EPCIP: variants seen among roughly 807,000 people sequenced by gnomAD.
EPCIP encodes exosomal polycystin 1 interacting protein, also known as exosomal polycystin-1-interacting protein.
At chr21:32,812,689 G>A in the EPCIP span, among the ~76,000 whole-genome samples, 27 of 151,822 alleles carry the variant, frequency 1.8e-4, no homozygotes, top group Non-Finnish European at 3.5e-4. Flanking sequence ...AACAAATGAA[G>A]TCTTTTTTTT....
the EPCIP span, among the ~76,000 whole-genome samples, chr21:32,792,123 C>T: frequency 2.0e-5 from 3 of 152,066 alleles, no homozygotes; most frequent in Non-Finnish European, 2.9e-5. Flanking sequence ...AGGCTGGTCT[C>T]GAACTCCCGA....
chr21:32,811,882 C>T, the EPCIP span, among the ~76,000 whole-genome samples: 1 of 152,176 alleles, frequency 6.6e-6, no homozygotes, highest in Non-Finnish European at 1.5e-5. Flanking sequence ...ATTTGACCCC[C>T]TTTCTCTCTG....
chr21:32,802,757 C>G, the EPCIP span, among the ~76,000 whole-genome samples: 1 of 152,166 alleles, frequency 6.6e-6, no homozygotes. Context: ...CAGGAGGGAA[C>G]CAGTGGTACA....
the EPCIP span, among the ~76,000 whole-genome samples, chr21:32,792,894 C>G: frequency 8.8e-5 from 13 of 147,912 alleles, no homozygotes; most frequent in African/African-American, 1.2e-4. Context: ...TTTAAGAGAA[C>G]CTAATCATTT....
chr21:32,809,282 TTC>T, the EPCIP span, among the ~76,000 whole-genome samples: 2 of 87,802 alleles, frequency 2.3e-5, no homozygotes, highest in Middle Eastern at 5.3e-3. Context: ...CCTCCTTCCT[TTC>T]TTTCTTTCTT....
At chr21:32,800,823 C>CAA in the EPCIP span, among the ~76,000 whole-genome samples, 25 of 20,444 alleles carry the variant, frequency 1.2e-3, no homozygotes, top group African/African-American at 1.8e-3. Flanking sequence ...AAAAAAAAAC[C>CAA]AAAAAAAAAA....
the EPCIP span, among the ~76,000 whole-genome samples, chr21:32,804,772 T>C: frequency 6.6e-6 from 1 of 152,212 alleles, no homozygotes; most frequent in Non-Finnish European, 1.5e-5. Context: ...TTCTGAGGAT[T>C]GTGAGGTCCT....
At chr21:32,797,012 C>T in the EPCIP span, 1 of 470,710 alleles carries the variant, frequency 2.1e-6, no homozygotes, top group Non-Finnish European at 4.4e-6. Flanking sequence ...GTTTGCGGAA[C>T]ATGTGGGACA....
chr21:32,809,222 T>TGA, the EPCIP span, among the ~76,000 whole-genome samples: 2 of 149,460 alleles, frequency 1.3e-5, no homozygotes, highest in African/African-American at 5.0e-5. Flanking sequence ...TGTGTGTGTG[T>TGA]GATGTCTCAC....
At chr21:32,813,238 A>G in the EPCIP span, among the ~76,000 whole-genome samples, 1 of 152,172 alleles carries the variant, frequency 6.6e-6, no homozygotes, top group African/African-American at 2.4e-5. Context: ...TAAAATAGAG[A>G]CAAGATTTCA....
chr21:32,808,613 C>G, the EPCIP span, among the ~76,000 whole-genome samples: 2 of 152,234 alleles, frequency 1.3e-5, no homozygotes, highest in Admixed American at 1.3e-4. Flanking sequence ...TAAAATGCTT[C>G]CTGGGAATGA....
the EPCIP span, among the ~76,000 whole-genome samples, chr21:32,809,279 C>CTTTCTTTCTTTCTTTCTTTCTCTTT: frequency 1.3e-5 from 1 of 79,968 alleles, no homozygotes; most frequent in Non-Finnish European, 2.5e-5. Flanking sequence ...CTCCCTCCTT[C>CTTTCTTTCTTTCTTTCTTTCTCTTT]CTTTCTTTCT....
chr21:32,800,874 G>C, the EPCIP span, among the ~76,000 whole-genome samples: 1 of 152,012 alleles, frequency 6.6e-6, no homozygotes, highest in African/African-American at 2.4e-5. Context: ...GAAAAATTTG[G>C]ATGTGTAGAC....
the EPCIP span, among the ~76,000 whole-genome samples, chr21:32,808,979 A>G: frequency 6.6e-6 from 1 of 152,200 alleles, no homozygotes; most frequent in East Asian, 1.9e-4. Context: ...CCGAGTGCCC[A>G]TGAAATAGTG....
chr21:32,810,784 A>G, the EPCIP span: 1 of 406,576 alleles, frequency 2.5e-6, no homozygotes, highest in South Asian at 1.8e-5. Flanking sequence ...GACATCTCCA[A>G]CTTAACATGC....
chr21:32,797,474 C>T, the EPCIP span: 1 of 168,500 alleles, frequency 5.9e-6, no homozygotes, highest in Non-Finnish European at 1.3e-5. Context: ...GTCTTGAACT[C>T]CTGACCTTAG....
the EPCIP span, chr21:32,797,256 T>G: frequency 3.7e-6 from 1 of 268,578 alleles, no homozygotes; most frequent in Non-Finnish European, 7.4e-6. Flanking sequence ...CAGTCTATCA[T>G]GAATTTCTTT....
At chr21:32,806,121 AAGAAGTGCTTTTAAGAATTCTG>A in the EPCIP span, among the ~76,000 whole-genome samples, 5 of 152,296 alleles carry the variant, frequency 3.3e-5, no homozygotes, top group South Asian at 1.0e-3. Flanking sequence ...CAGAGGCTGC[AAGAAGTGCTTTTAAGAATTCTG>A]AGATGTGAGG....
chr21:32,803,393 G>T, the EPCIP span, among the ~76,000 whole-genome samples: 1 of 152,150 alleles, frequency 6.6e-6, no homozygotes, highest in Non-Finnish European at 1.5e-5. Context: ...AGAAACAAGT[G>T]GTCACCTGTT....
Sources: gnomAD v4.1 joint callset for allele counts (sites outside exome capture counted in the v4.1 genomes callset) on GRCh38, gnomAD v4.1.1 for gene constraint, MANE v1.5 for transcripts, NCBI Gene and HGNC (gene_info 2026-07-23, HGNC 2026-07-21) for gene names.